SLC66A3: variants seen among roughly 807,000 people sequenced by gnomAD.
SLC66A3 encodes the protein solute carrier family 66 member 3, also known as PQ loop repeat containing 3.
A neutral mutation model predicts 25.5 loss-of-function variants in SLC66A3; 23 were observed. The ratio of observed to expected loss-of-function variants is 0.90; its 90% confidence interval spans 0.65 to 1.28. The LOEUF is 1.28. SLC66A3 is among the 50% of genes most tolerant of loss of function. The probability of loss-of-function intolerance (pLI) is 0.00; values close to 1 mark genes in which losing one functional copy is unlikely to be tolerated. For synonymous variants in SLC66A3, 108 were observed against 112.6 expected (o/e 0.96, Z 0.26); for missense variants, 246 against 262.1 (o/e 0.94, Z 0.42).
chr2:11,160,305 G>A (rs1662070120), intron 1 of SLC66A3, 161 bp from the exon 2 acceptor site: 1 of 656,532 alleles, frequency 1.5e-6, no homozygotes, highest in African/African-American at 1.8e-5. Flanking sequence ...TGATTCAACT[G>A]AATTCCATCT....
chr2:11,160,515 A>T lies in SLC66A3; in HGVS notation c.193A>T (p.Thr65Ser). The change falls in exon 2 of 7, where the codon ACC becomes TCC. Residue 65 changes from threonine to serine, a missense_variant. This residue lies in a region of SLC66A3 where 142 missense variants were observed against 130.3 expected (regional missense o/e 1.09). Coordinates refer to ENST00000295083, the MANE Select transcript of SLC66A3 (RefSeq NM_152391.5). ...GTGTTACTATGGGTATCCGCCGCTG[A>T]CCTACCTGGAGTACCCCATCCTCAT... ...YQCYYGYPPL[T>S]YLEYPILIAQ... 1 of 1,614,016 alleles carries T rather than the reference A, an allele frequency of 6.2e-7. No homozygotes were observed. Among genetic ancestry groups the T allele is most frequent in the Non-Finnish European group, 8.5e-7 (1 of 1,180,004 alleles).
intron 4 of SLC66A3, among the ~76,000 whole-genome samples, chr2:11,170,016 T>G (rs971384213): frequency 6.6e-5 from 10 of 151,994 alleles, no homozygotes; most frequent in Non-Finnish European, 7.4e-5. Context: ...TTTTTGTGTT[T>G]TTAGTAGAGA....
intron 3 of SLC66A3, among the ~76,000 whole-genome samples, chr2:11,162,321 A>G (rs112759493): frequency 0.016 from 2,441 of 152,344 alleles, 61 homozygotes; most frequent in African/African-American, 0.055. Context: ...CTGCACCTCA[A>G]CACTTCACGG....
intron 2 of SLC66A3, 33 bp from the exon 3 acceptor site, chr2:11,160,592 C>T (rs1186870368): frequency 1.9e-6 from 3 of 1,614,188 alleles, no homozygotes; most frequent in Admixed American, 3.3e-5. Context: ...CGGGTCTCCC[C>T]TTCCCCCCTC....
At chr2:11,157,334 G>T (rs1344764714) in intron 1 of SLC66A3, among the ~76,000 whole-genome samples, 1 of 152,232 alleles carries the variant, frequency 6.6e-6, no homozygotes, top group East Asian at 1.9e-4. Flanking sequence ...AGTTGATCAC[G>T]TGCAGGTAAA....
In SLC66A3 at chr2:11,174,702, T is replaced by C. The variant is rs181109318; in HGVS notation, c.476-266T>C. Among the ~76,000 whole-genome samples the C allele has an allele frequency of 6.3e-4, 96 of 152,276 alleles. 1 individual carries two copies. Among genetic ancestry groups the C allele is most frequent in the Non-Finnish European group, 8.4e-4 (57 of 68,016 alleles). On this transcript the variant is annotated intron_variant, in intron 5 of 6. Transcript: ENST00000295083. Reference sequence around the variant, plus strand: ...AGTAGAGACAGACAGGGTTTTGCCATGTTGGCCAGGCTGGTCTCGAACTCC... The same window carrying C: ...AGTAGAGACAGACAGGGTTTTGCCACGTTGGCCAGGCTGGTCTCGAACTCC...
Position 11,169,893 on chromosome 2 carries a change from C to T in SLC66A3, c.355-2032C>T, listed in dbSNP as rs531907907. Among the ~76,000 whole-genome samples, 4 of 138,170 alleles carry T rather than the reference C, an allele frequency of 2.9e-5. No homozygotes were observed. The Admixed American group carries it at 3.2e-4, about 11-fold the overall frequency. 90.6% of individuals were successfully genotyped at this position (138,170 alleles called of 152,430 possible). ...CTTGCTCTGTCACCAGGCTGGAATG[C>T]AGTAGCATGATCTTGGCTCACTGCA... On this transcript the variant is annotated intron_variant, in intron 4 of 6. Transcript: ENST00000295083.
chr2:11,158,427 C>T (rs374020170), intron 1 of SLC66A3, among the ~76,000 whole-genome samples: 3 of 152,204 alleles, frequency 2.0e-5, no homozygotes, highest in African/African-American at 7.2e-5. Flanking sequence ...CTTTGGGAGG[C>T]CCAGGCCGGC....
chr2:11,169,837 C>CT (rs1186098636), intron 4 of SLC66A3, among the ~76,000 whole-genome samples: 8,891 of 88,840 alleles, frequency 0.1, 713 homozygotes, highest in African/African-American at 0.21. Context: ...GGATTTCTCT[C>CT]TTTTTTTTTT....
At chr2:11,171,632 G>A (rs966942694) in intron 4 of SLC66A3, among the ~76,000 whole-genome samples, 2 of 151,756 alleles carry the variant, frequency 1.3e-5, no homozygotes, top group Admixed American at 6.6e-5. Flanking sequence ...GCAGTGGCAC[G>A]ATCTCAACTC....
chr2:11,169,835 CTCTT>C (rs1464912765), intron 4 of SLC66A3, among the ~76,000 whole-genome samples: 20 of 85,102 alleles, frequency 2.4e-4, no homozygotes, highest in African/African-American at 6.5e-4. Context: ...CTGGATTTCT[CTCTT>C]TTTTTTTTTT....
intron 6 of SLC66A3, among the ~76,000 whole-genome samples, chr2:11,176,539 T>C (rs193228797): frequency 7.5e-6 from 1 of 133,984 alleles, no homozygotes; most frequent in Non-Finnish European, 1.6e-5. Context: ...TTTTTTTTTT[T>C]TTTTTTTGAG....
intron 3 of SLC66A3, among the ~76,000 whole-genome samples, chr2:11,163,159 G>A (rs1251772613): frequency 2.0e-5 from 3 of 152,102 alleles, no homozygotes; most frequent in African/African-American, 7.2e-5. Flanking sequence ...ACTTGTTTTC[G>A]ACCTGAAATT....
chr2:11,175,086 G>T, intron 6 of SLC66A3, 77 bp downstream of exon 6: 2 of 1,099,382 alleles, frequency 1.8e-6, no homozygotes, highest in Non-Finnish European at 2.7e-6. Context: ...CTGTCTTAGG[G>T]TTTAATGGAT....
intron 3 of SLC66A3, among the ~76,000 whole-genome samples, chr2:11,162,029 G>T (rs2147986579): frequency 6.6e-6 from 1 of 152,368 alleles, no homozygotes; most frequent in South Asian, 2.1e-4. Context: ...CACCACAGGG[G>T]TGGCTTCAGC....
intron 4 of SLC66A3, among the ~76,000 whole-genome samples, chr2:11,170,724 G>T (rs1400442917): frequency 6.6e-6 from 1 of 151,560 alleles, no homozygotes; most frequent in Non-Finnish European, 1.5e-5. Flanking sequence ...TAGTAGCTGG[G>T]ATTACAGGCG....
At position 11,160,704 on chromosome 2, in the gene SLC66A3, C is replaced by T; in HGVS notation, c.296+10C>T. On this transcript the variant is annotated intron_variant, in intron 3 of 6. Transcript: ENST00000295083. ...CTCCTTACATCGCTGTGTATCCTTTCTGAATCTGAGCCAGAAGTGGGAACG... is the reference window on the plus strand; with the variant it reads ...CTCCTTACATCGCTGTGTATCCTTTTTGAATCTGAGCCAGAAGTGGGAACG... 6.2e-7 allele frequency: 1 copy of T among 1,613,426 alleles called. No individual in the cohort carries two copies. The highest frequency in any genetic ancestry group is 8.5e-7 in the Non-Finnish European group (1 of 1,179,962).
intron 5 of SLC66A3, 115 bp downstream of exon 5, chr2:11,172,160 A>G (rs1490404994): frequency 2.1e-6 from 2 of 930,926 alleles, no homozygotes; most frequent in East Asian, 2.7e-5. Flanking sequence ...TACTTTACAA[A>G]TGGCTACTCA....
chr2:11,172,194 A>G (rs1053505365), intron 5 of SLC66A3, 149 bp downstream of exon 5: 4 of 583,516 alleles, frequency 6.9e-6, no homozygotes, highest in Admixed American at 3.6e-5. Context: ...AAGTGTATCC[A>G]TGTTTACAAA....
Sources: gnomAD v4.1 joint callset for allele counts (sites outside exome capture counted in the v4.1 genomes callset) on GRCh38, gnomAD v4.1.1 for gene constraint, gnomAD v4.1.1 regional missense constraint, MANE v1.5 for transcripts, NCBI Gene and HGNC (gene_info 2026-07-23, HGNC 2026-07-21) for gene names.